The following WDR44 variants were observed in gnomAD, a reference collection of about 807,000 sequenced individuals.
WDR44 encodes the protein WD repeat-containing protein 44.
WDR44 carries 9 observed loss-of-function variants against 65.7 expected under a neutral mutation model. The ratio of observed to expected loss-of-function variants is 0.14; its 90% CI spans 0.08 to 0.24. The LOEUF is 0.24. WDR44 is among the 10% of genes least tolerant of loss of function. WDR44 has a pLI of 1.00. For missense variants in WDR44, 425 were observed against 670.9 expected (o/e 0.63, Z 4.05); for synonymous variants, 220 against 235.2 (o/e 0.94, Z 0.59).
At chrX:118,408,872 A>G (rs763611100) in intron 10 of WDR44, among the ~76,000 whole-genome samples, 3 of 111,702 alleles carry the variant, frequency 2.7e-5, no homozygotes, top group South Asian at 3.7e-4. Flanking sequence ...TGCTTTTCCA[A>G]TGAAGATTTC....
rs760711757 is a variant in WDR44, at chrX:118,432,835, C to T, written c.1792C>T (p.Arg598Trp). 3.5e-5 allele frequency: 42 copies of T among 1,210,097 alleles called. No homozygotes were observed. The Admixed American group carries it at 6.8e-4, about 20-fold the overall frequency. ...PDDKNAPFRQ[R>W]PFCKYKGHTA... Reference sequence around the variant, plus strand: ...TGATAAAAACGCACCCTTTCGGCAACGGCCATTTTGCAAATATAAAGGACA... The same window carrying T: ...TGATAAAAACGCACCCTTTCGGCAATGGCCATTTTGCAAATATAAAGGACA... Residue 598 changes from arginine (R) to tryptophan (W), a missense_variant, in exon 13 of 20, where the codon CGG becomes TGG. This residue lies in a region of WDR44 where 45 missense variants were observed against 50.0 expected (regional missense o/e 0.90). Coordinates refer to ENST00000254029, the MANE Select transcript of WDR44 (RefSeq NM_019045.5).
intron 1 of WDR44, among the ~76,000 whole-genome samples, chrX:118,351,960 A>AAACG (rs769715425): frequency 1.3e-3 from 140 of 108,340 alleles, no homozygotes; most frequent in Non-Finnish European, 2.3e-3. Flanking sequence ...ATAAATAAAC[A>AAACG]ATTTATATTT....
At chrX:118,446,423 A>T (rs61704494) in intron 19 of WDR44, among the ~76,000 whole-genome samples, 17,641 of 111,257 alleles carry the variant, frequency 0.16, 2,512 homozygotes, top group African/African-American at 0.44. Context: ...CTCAAAAAAT[A>T]TATATATGAT....
At chrX:118,412,488 C>G (rs1156298593) in intron 12 of WDR44, among the ~76,000 whole-genome samples, 3 of 111,099 alleles carry the variant, frequency 2.7e-5, no homozygotes, top group Non-Finnish European at 5.7e-5. Flanking sequence ...ATGTAAGAGG[C>G]TATTAACCCA....
chrX:118,398,486 T>TC lies in WDR44; in HGVS notation c.1274+19dup. On this transcript the variant is annotated intron_variant, in intron 8 of 19. Transcript: ENST00000254029. ...AACAGAAAACGTGAGTTACAGTACATCCCTTTTCTTCATTTCAAGTTTTTA... is the reference window on the plus strand; with the variant it reads ...AACAGAAAACGTGAGTTACAGTACATCCCCTTTTCTTCATTTCAAGTTTTTA... 1 of 1,138,426 alleles carries TC rather than the reference T, an allele frequency of 8.8e-7. No individual in the cohort carries two copies. The allele number at this position is 1,138,426 out of a possible 1,213,427, so 93.8% of individuals were successfully genotyped here. A position where few individuals can be genotyped will look rare whatever the true frequency, so the allele number is the denominator to read the frequency against.
intron 1 of WDR44, among the ~76,000 whole-genome samples, chrX:118,356,489 T>G (rs1172059671): frequency 9.0e-6 from 1 of 110,921 alleles, no homozygotes; most frequent in African/African-American, 3.3e-5. Flanking sequence ...ACTGATTCAT[T>G]TTTTTGGCCA....
At chrX:118,365,511 A>AAAAAAAG (rs200823283) in intron 1 of WDR44, among the ~76,000 whole-genome samples, 1 of 110,713 alleles carries the variant, frequency 9.0e-6, no homozygotes, top group Admixed American at 9.7e-5. Flanking sequence ...TGTCTCCAAA[A>AAAAAAAG]AAAAAAGAAA....
At chrX:118,428,909 G>A (rs2147740378) in intron 12 of WDR44, among the ~76,000 whole-genome samples, 1 of 111,773 alleles carries the variant, frequency 8.9e-6, no homozygotes, top group African/African-American at 3.3e-5. Flanking sequence ...GCAGGGACAC[G>A]GCTGGAACTG....
chrX:118,418,314 A>G (rs2057074882), intron 12 of WDR44, among the ~76,000 whole-genome samples: 1 of 111,570 alleles, frequency 9.0e-6, no homozygotes, highest in Non-Finnish European at 1.9e-5. Context: ...TCATTTGGGT[A>G]GGCTCTGTCA....
chrX:118,349,708 C>T (rs2056386890), intron 1 of WDR44, among the ~76,000 whole-genome samples: 1 of 110,879 alleles, frequency 9.0e-6, no homozygotes, highest in African/African-American at 3.3e-5. Context: ...CAGGTGTGCG[C>T]CACCACGCCC....
At chrX:118,387,470 A>G (rs958131254) in intron 3 of WDR44, 56 bp downstream of exon 3, 5 of 910,471 alleles carry the variant, frequency 5.5e-6, no homozygotes, top group Non-Finnish European at 7.7e-6. Flanking sequence ...TTTATATGGT[A>G]TATTTCAAAC....
Position 118,409,583 on chromosome X carries a change from C to T in WDR44, c.1628C>T (p.Ala543Val), listed in dbSNP as rs763934302. The T allele has an allele frequency of 1.7e-6, 2 of 1,205,587 alleles. No homozygotes were observed. The highest frequency in any genetic ancestry group is 2.2e-6 in the Non-Finnish European group (2 of 892,476). Reference sequence around the variant, plus strand: ...GTGAGAATATGGGCTTTAAAAAATGCTTTTGACTATTTCAACAATATGCGA... The same window carrying T: ...GTGAGAATATGGGCTTTAAAAAATGTTTTTGACTATTTCAACAATATGCGA... ...NVVRIWALKN[A>V]FDYFNNMRMK... Residue 543 changes from alanine to valine, a missense_variant, in exon 11 of 20, where the codon GCT (alanine) becomes GTT (valine). Physicochemically the swap from Ala to Val is moderately conservative, Grantham distance 64. Coordinates refer to ENST00000254029, the MANE Select transcript of WDR44 (RefSeq NM_019045.5).
At position 118,447,089 on chromosome X, in the gene WDR44, G is replaced by T. The variant is rs750402115; in HGVS notation, c.2648-1804G>T. The T allele has an allele frequency of 5.7e-5, 18 of 317,515 alleles. No homozygotes were observed. The East Asian group carries it at 1.8e-3, about 32-fold the overall frequency. The allele number at this position is 317,515 out of a possible 1,213,427, so 26.2% of individuals were successfully genotyped here. ...GAGTTCTCGTTATGTTGCCCAGGCT[G>T]GTCTCGAACTTCTAGCCTCAAAAAG... is the stretch of plus-strand genomic sequence containing the variant. On this transcript the variant is annotated intron_variant, in intron 19 of 19. Transcript: ENST00000254029.
chrX:118,402,253 G>A (rs1051878034), intron 8 of WDR44, among the ~76,000 whole-genome samples: 4 of 106,791 alleles, frequency 3.7e-5, no homozygotes, highest in Admixed American at 3.1e-4. Context: ...GGCCAACATG[G>A]TGAAAGCCCA....
chrX:118,348,826 A>G (rs1397439212), intron 1 of WDR44, among the ~76,000 whole-genome samples: 1 of 111,807 alleles, frequency 8.9e-6, no homozygotes, highest in East Asian at 2.8e-4. Context: ...CTGGAGTGGC[A>G]AACTATACAA....
In WDR44 at chrX:118,436,811, C is replaced by T. The variant is rs1156283787; in HGVS notation, c.1961C>T (p.Ala654Val). The T allele has an allele frequency of 3.4e-6, 4 of 1,181,194 alleles. No homozygotes were observed. The highest frequency in any genetic ancestry group is 4.5e-6 in the Non-Finnish European group (4 of 879,393). ...CATATAGATTTTGTCACTGCCATAG[C>T]TTTTCATCCAAGAGTAAGTAACTAT... ...FQHIDFVTAI[A>V]FHPRDDRYFL... The change falls in exon 14 of 20, where the codon GCT becomes GTT. Residue 654 changes from alanine to valine, a missense_variant. Physicochemically the swap from Ala to Val is moderately conservative, Grantham distance 64. Coordinates refer to ENST00000254029, the MANE Select transcript of WDR44 (RefSeq NM_019045.5).
At chrX:118,417,196 T>C (rs1248968523) in intron 12 of WDR44, among the ~76,000 whole-genome samples, 1 of 112,110 alleles carries the variant, frequency 8.9e-6, no homozygotes, top group Non-Finnish European at 1.9e-5. Flanking sequence ...AGATGTGAGA[T>C]ACCTCATAGT....
chrX:118,396,929 C>A (rs1253694648), intron 6 of WDR44, 41 bp from the exon 7 acceptor site: 1 of 1,121,996 alleles, frequency 8.9e-7, no homozygotes, highest in Non-Finnish European at 1.2e-6. Context: ...AATTAAATTG[C>A]AGGTCATCTT....
At chrX:118,386,608 T>C (rs1295412575) in intron 2 of WDR44, 2 of 272,498 alleles carry the variant, frequency 7.3e-6, no homozygotes, top group Non-Finnish European at 1.4e-5. Flanking sequence ...TTATAAACTT[T>C]TGTATTTGTG....
Sources: allele counts gnomAD v4.1 joint callset (sites outside exome capture counted in the v4.1 genomes callset), GRCh38; gene constraint gnomAD v4.1.1; regional missense constraint gnomAD v4.1.1; transcripts MANE v1.5; gene names NCBI Gene and HGNC (gene_info 2026-07-23, HGNC 2026-07-21).